The following C4orf36 variants were observed in gnomAD, a reference collection of about 807,000 sequenced individuals.
C4orf36 encodes uncharacterized protein C4orf36.
In C4orf36, 11 loss-of-function variants were observed where a neutral mutation model predicts 12.2. The ratio of observed to expected loss-of-function variants is 0.90; its 90% CI spans 0.57 to 1.49. The LOEUF is 1.49. Ranked by LOEUF, C4orf36 falls within the 40% of genes most tolerant of loss-of-function variation. C4orf36 has a pLI of 0.00. For missense variants in C4orf36, 137 were observed against 133.9 expected (o/e 1.02, Z -0.11); for synonymous variants, 54 against 51.3 (o/e 1.05, Z -0.22).
the C4orf36 span, among the ~76,000 whole-genome samples, chr4:86,899,874 C>T: frequency 6.6e-6 from 1 of 152,078 alleles, no homozygotes; most frequent in Non-Finnish European, 1.5e-5. Flanking sequence ...CAGAATAATA[C>T]TTCAAATTCC....
At chr4:86,903,839 G>A in the C4orf36 span, among the ~76,000 whole-genome samples, 3 of 152,160 alleles carry the variant, frequency 2.0e-5, no homozygotes, top group Admixed American at 6.5e-5. Flanking sequence ...GAGCTAGACA[G>A]AGTGGTGATT....
chr4:86,892,892 C>G (rs929140689), upstream of C4orf36, among the ~76,000 whole-genome samples: 1 of 152,152 alleles, frequency 6.6e-6, no homozygotes, highest in African/African-American at 2.4e-5. Flanking sequence ...CAGATGGCCA[C>G]CCCTTACGGT....
At chr4:86,932,303 TG>T in the C4orf36 span, 1 of 140,432 alleles carries the variant, frequency 7.1e-6, no homozygotes, top group African/African-American at 2.7e-5. Flanking sequence ...GCTGAGATGG[TG>T]CCATTGTACT....
At chr4:86,896,634 G>A (rs777363242), upstream of C4orf36, among the ~76,000 whole-genome samples, 18 of 151,806 alleles carry the variant, frequency 1.2e-4, no homozygotes, top group East Asian at 3.9e-4. Context: ...ATGTCTTCCC[G>A]TAGTCCATTT....
At chr4:86,900,204 T>C in the C4orf36 span, among the ~76,000 whole-genome samples, 1 of 152,202 alleles carries the variant, frequency 6.6e-6, no homozygotes, top group Non-Finnish European at 1.5e-5. Flanking sequence ...GGCTAATTTT[T>C]GTATTTTTAG....
At chr4:86,885,331 C>T (rs1463563887) in intron 4 of C4orf36, among the ~76,000 whole-genome samples, 2 of 152,118 alleles carry the variant, frequency 1.3e-5, no homozygotes, top group Admixed American at 6.5e-5. Flanking sequence ...TATCCATGAG[C>T]ATGGAATGTT....
At chr4:86,899,110 C>G in the C4orf36 span, among the ~76,000 whole-genome samples, 777 of 152,216 alleles carry the variant, frequency 5.1e-3, 5 homozygotes, top group Non-Finnish European at 7.9e-3. Context: ...TACAGAACTT[C>G]TCTCGCTGAA....
At chr4:86,932,040 G>GA in the C4orf36 span, among the ~76,000 whole-genome samples, 38 of 62,538 alleles carry the variant, frequency 6.1e-4, no homozygotes, top group African/African-American at 2.2e-3. Flanking sequence ...GTCTCAAAAA[G>GA]AAAAAAAAAA....
chr4:86,910,823 C>T, the C4orf36 span, among the ~76,000 whole-genome samples: 7 of 152,026 alleles, frequency 4.6e-5, no homozygotes, highest in South Asian at 2.1e-4. Flanking sequence ...CCCAGCACTT[C>T]GGGAGGCCGA....
rs1282404143 is a variant in C4orf36, at chr4:86,876,400, C to T, written c.*46G>A. ...TGGGCGGCCCAGGAGAAGCAGTTCC[C>T]GCCGGCGCTGCTGAGTTTCTTCATC... is the stretch of plus-strand genomic sequence containing the variant. On this transcript the variant is annotated 3_prime_UTR_variant, in exon 5 of 5. Transcript: ENST00000295898. The T allele has an allele frequency of 1.9e-6, 3 of 1,610,384 alleles. No individual in the cohort carries two copies. Among genetic ancestry groups the T allele is most frequent in the Non-Finnish European group, 2.5e-6 (3 of 1,178,624 alleles).
At chr4:86,879,851 CTTTTT>C (rs34363324) in intron 4 of C4orf36, among the ~76,000 whole-genome samples, 1 of 137,308 alleles carries the variant, frequency 7.3e-6, no homozygotes, top group Non-Finnish European at 1.6e-5. Flanking sequence ...TGTTTTGTTT[CTTTTT>C]TTTTTTTTTT....
At chr4:86,901,431 G>A in the C4orf36 span, among the ~76,000 whole-genome samples, 24 of 150,984 alleles carry the variant, frequency 1.6e-4, no homozygotes, top group African/African-American at 5.1e-4. Flanking sequence ...TTTTTGAGAC[G>A]GAGTCTCTAT....
At chr4:86,917,475 A>AAGAAG in the C4orf36 span, among the ~76,000 whole-genome samples, 1 of 141,836 alleles carries the variant, frequency 7.1e-6, no homozygotes, top group Admixed American at 7.4e-5. Context: ...AAAGAAAGAA[A>AAGAAG]TAAAGAAAAA....
the C4orf36 span, among the ~76,000 whole-genome samples, chr4:86,926,485 C>T: frequency 3.5e-4 from 54 of 152,298 alleles, no homozygotes; most frequent in African/African-American, 1.3e-3. Flanking sequence ...TGGCAATGTT[C>T]ATTTAACCCA....
chr4:86,915,582 A>G, the C4orf36 span, among the ~76,000 whole-genome samples: 2 of 152,110 alleles, frequency 1.3e-5, no homozygotes, highest in African/African-American at 4.8e-5. Context: ...TTGGGAGTTC[A>G]AGACCAGCCT....
chr4:86,904,214 G>A, the C4orf36 span, among the ~76,000 whole-genome samples: 6 of 152,226 alleles, frequency 3.9e-5, no homozygotes, highest in Non-Finnish European at 8.8e-5. Context: ...TGCGGGGCCA[G>A]CCGAGCCTGC....
chr4:86,918,810 CGTGTGT>C, the C4orf36 span, among the ~76,000 whole-genome samples: 88 of 149,684 alleles, frequency 5.9e-4, no homozygotes, highest in Middle Eastern at 3.4e-3. Flanking sequence ...GTTGTGTGTG[CGTGTGT>C]GTGTGTGTGT....
At chr4:86,916,365 C>CAA in the C4orf36 span, among the ~76,000 whole-genome samples, 21 of 95,798 alleles carry the variant, frequency 2.2e-4, no homozygotes, top group South Asian at 3.5e-4. Flanking sequence ...TATGTGGATG[C>CAA]AAAAAAAAAA....
chr4:86,930,494 A>G, the C4orf36 span, among the ~76,000 whole-genome samples: 3 of 152,366 alleles, frequency 2.0e-5, no homozygotes, highest in East Asian at 3.9e-4. Flanking sequence ...TAGACAATAT[A>G]CCCACATTTT....
Sources: gnomAD v4.1 joint callset for allele counts (sites outside exome capture counted in the v4.1 genomes callset) on GRCh38, gnomAD v4.1.1 for gene constraint, MANE v1.5 for transcripts, NCBI Gene and HGNC (gene_info 2026-07-23, HGNC 2026-07-21) for gene names.